CBX3: variants seen among roughly 807,000 people sequenced by gnomAD.
The protein encoded by CBX3 is chromobox protein homolog 3.
CBX3 carries 5 observed loss-of-function variants against 22.6 expected under a neutral mutation model. That is an observed-to-expected ratio of 0.22 (90% CI 0.12 to 0.47). CBX3 has a LOEUF of 0.47. Ranked by LOEUF, CBX3 falls within the 20% of genes least tolerant of loss-of-function variation. CBX3 has a pLI of 0.99. For synonymous variants in CBX3, 50 were observed against 66.6 expected (o/e 0.75, Z 1.21); for missense variants, 83 against 208.1 (o/e 0.40, Z 3.70).
chr7:26,202,817 A>G, intron 1 of CBX3, 154 bp from the exon 2 acceptor site: 1 of 652,302 alleles, frequency 1.5e-6, no homozygotes, highest in Non-Finnish European at 2.7e-6. Flanking sequence ...GTACATCATA[A>G]GCAATGTAGG....
chr7:26,206,211 T>C (rs571686331), intron 2 of CBX3, 157 bp from the exon 3 acceptor site: 10 of 567,850 alleles, frequency 1.8e-5, no homozygotes, highest in African/African-American at 1.5e-4. Context: ...TTTATTTTAT[T>C]GTCTGTTGAC....
intron 1 of CBX3, chr7:26,202,385 G>A (rs912226529): frequency 1.5e-4 from 23 of 152,206 alleles, no homozygotes; most frequent in African/African-American, 4.6e-4. Context: ...CCGGGTGGGG[G>A]CGGGCACCCG....
chr7:26,203,099 G>T (rs1361746349), intron 2 of CBX3, 77 bp downstream of exon 2: 1 of 882,436 alleles, frequency 1.1e-6, no homozygotes, highest in African/African-American at 1.8e-5. Context: ...TTGCATCTCT[G>T]TGGCTGAGAA....
chr7:26,204,797 G>C (rs1303549166), intron 2 of CBX3, among the ~76,000 whole-genome samples: 12 of 151,842 alleles, frequency 7.9e-5, no homozygotes, highest in African/African-American at 2.9e-4. Context: ...TTTTGTTTTT[G>C]TGTTTTTTTG....
chr7:26,205,093 C>A (rs1415984191), intron 2 of CBX3, among the ~76,000 whole-genome samples: 1 of 152,130 alleles, frequency 6.6e-6, no homozygotes, highest in African/African-American at 2.4e-5. Flanking sequence ...CCGGCAATAG[C>A]ATTTGCTTTA....
At chr7:26,206,553 C>T (rs749477806) in intron 3 of CBX3, 43 bp downstream of exon 3, 1 of 1,587,700 alleles carries the variant, frequency 6.3e-7, no homozygotes, top group Non-Finnish European at 8.6e-7. Context: ...TTAACTGCAG[C>T]TAAGTGGTTT....
intron 5 of CBX3, among the ~76,000 whole-genome samples, 161 bp from the exon 6 acceptor site, chr7:26,211,921 T>G (rs940162957): frequency 6.6e-6 from 1 of 152,158 alleles, no homozygotes; most frequent in Non-Finnish European, 1.5e-5. Flanking sequence ...AACTGTGGCC[T>G]GTTTTGAAAA....
intron 4 of CBX3, chr7:26,210,222 G>A (rs575805413): frequency 2.0e-5 from 3 of 152,392 alleles, no homozygotes; most frequent in African/African-American, 7.2e-5. Context: ...GAGCCTGGGA[G>A]TTCAAGGTGC....
At chr7:26,208,231 C>A in intron 3 of CBX3, 162 bp from the exon 4 acceptor site, 1 of 488,580 alleles carries the variant, frequency 2.0e-6, no homozygotes, top group Non-Finnish European at 3.7e-6. Context: ...CTGGCGGAGG[C>A]AGGCTGGGGG....
At position 26,203,549 on chromosome 7, in the gene CBX3, GT is replaced by G. The variant is rs1259418880; in HGVS notation, c.24+533del. Among the ~76,000 whole-genome samples, 25 of 152,030 alleles carry G rather than the reference GT, an allele frequency of 1.6e-4. No homozygotes were observed. In the East Asian group the frequency reaches 4.8e-3, roughly 29 times the overall value. On this transcript the variant is annotated intron_variant, in intron 2 of 5. Coordinates refer to ENST00000396386, the MANE Select transcript of CBX3 (RefSeq NM_016587.4). ...TAAGTTTAATTCATTGCAGTGTTTTGTTTTTTAAACAAAATGATCGAAATCG... is the reference window on the plus strand; with the variant it reads ...TAAGTTTAATTCATTGCAGTGTTTTGTTTTTAAACAAAATGATCGAAATCG...
chr7:26,202,942 C>G (rs1784583348), intron 1 of CBX3, 29 bp from the exon 2 acceptor site: 2 of 1,438,400 alleles, frequency 1.4e-6, no homozygotes, highest in Non-Finnish European at 1.9e-6. Context: ...GTCATGCAAA[C>G]TTACCTTAAC....
intron 3 of CBX3, among the ~76,000 whole-genome samples, chr7:26,207,448 C>T (rs927450365): frequency 2.0e-5 from 3 of 152,146 alleles, no homozygotes; most frequent in Non-Finnish European, 4.4e-5. Context: ...CCCTCTTCTC[C>T]CAAAACTTAA....
chr7:26,209,345 C>T (rs7793815), intron 4 of CBX3, among the ~76,000 whole-genome samples: 4,566 of 152,260 alleles, frequency 0.03, 78 homozygotes, highest in Middle Eastern at 0.054. Context: ...AGTAAGTGCT[C>T]ATGCCACTTA....
intron 2 of CBX3, among the ~76,000 whole-genome samples, chr7:26,204,794 T>C (rs1784637214): frequency 6.6e-6 from 1 of 152,068 alleles, no homozygotes; most frequent in African/African-American, 2.4e-5. Flanking sequence ...GTTTTTTGTT[T>C]TTGTGTTTTT....
rs774467142 is a variant in CBX3 at position 26,213,569 on chromosome 7, A to G, written c.*1361A>G. 6.6e-6 allele frequency among the ~76,000 whole-genome samples: 1 copy of G among 152,182 alleles called. No individual in the cohort carries two copies. Among genetic ancestry groups the G allele is most frequent in the African/African-American group, 2.4e-5 (1 of 41,444 alleles). On this transcript the variant is annotated 3_prime_UTR_variant, in exon 6 of 6. Coordinates refer to ENST00000396386, the MANE Select transcript of CBX3 (RefSeq NM_016587.4). ...GAAATAAAAGTTTCATGTGATGCCT[A>G]GGGTCAATTGTCTCATTAAAATGAG...
chr7:26,211,837 G>A lies in CBX3; in HGVS notation c.425+81G>A. On this transcript the variant is annotated intron_variant, in intron 5 of 5. Coordinates refer to ENST00000396386, the MANE Select transcript of CBX3 (RefSeq NM_016587.4). ...TTGTGAAATGGTTTTTCATCATTAG[G>A]TAGGGAAAAACTATCTGCTGAGAGG... The A allele has an allele frequency of 2.7e-6, 3 of 1,095,316 alleles. No individual in the cohort carries two copies. The South Asian group carries it at 4.7e-5, about 17-fold the overall frequency. 67.8% of individuals were successfully genotyped at this position (1,095,316 alleles called of 1,614,324 possible).
At chr7:26,205,274 C>G (rs150719027) in intron 2 of CBX3, among the ~76,000 whole-genome samples, 80 of 152,250 alleles carry the variant, frequency 5.3e-4, no homozygotes, top group African/African-American at 1.9e-3. Flanking sequence ...TGGTTTCCTG[C>G]TTCTCTTAAA....
At chr7:26,202,767 A>G (rs1784576780) in intron 1 of CBX3, 3 of 533,094 alleles carry the variant, frequency 5.6e-6, no homozygotes, top group East Asian at 3.3e-5. Flanking sequence ...GATCCCCAGT[A>G]AAGTCTTTCT....
intron 2 of CBX3, among the ~76,000 whole-genome samples, chr7:26,204,718 G>A (rs1023080413): frequency 6.6e-6 from 1 of 152,114 alleles, no homozygotes; most frequent in African/African-American, 2.4e-5. Context: ...TCTGCTTGCT[G>A]CTTTACTTGT....
Sources: allele counts gnomAD v4.1 joint callset (sites outside exome capture counted in the v4.1 genomes callset), GRCh38; gene constraint gnomAD v4.1.1; transcripts MANE v1.5; gene names NCBI Gene and HGNC (gene_info 2026-07-23, HGNC 2026-07-21).